Variants in RAD51B observed in about 807,000 individuals in gnomAD.
RAD51B encodes the protein DNA repair protein RAD51 homolog 2.
Under a neutral mutation model 42.2 loss-of-function variants are expected in RAD51B, and 38 were observed. The ratio of observed to expected loss-of-function variants is 0.90; its 90% CI spans 0.70 to 1.18. RAD51B has a LOEUF of 1.18. RAD51B is among the 50% of genes most tolerant of loss of function. The pLI, the probability that RAD51B is intolerant of heterozygous loss-of-function variation, is 0.00. For missense variants in RAD51B, 373 were observed against 400.7 expected (o/e 0.93, Z 0.59); for synonymous variants, 154 against 145.2 (o/e 1.06, Z -0.43).
At chr14:68,205,901 A>G (rs1314296549) in intron 7 of RAD51B, among the ~76,000 whole-genome samples, 1 of 152,194 alleles carries the variant, frequency 6.6e-6, no homozygotes, top group Non-Finnish European at 1.5e-5. Flanking sequence ...CAACTTTGGT[A>G]AATTTGATTA....
At chr14:68,656,755 A>T (rs1414884240) in intron 11 of RAD51B, among the ~76,000 whole-genome samples, 1 of 152,008 alleles carries the variant, frequency 6.6e-6, no homozygotes, top group Non-Finnish European at 1.5e-5. Context: ...CCAATTTTTC[A>T]CAGACACAGC....
At chr14:67,844,624 A>ATT (rs556636252) in intron 4 of RAD51B, among the ~76,000 whole-genome samples, 5,090 of 147,758 alleles carry the variant, frequency 0.034, 264 homozygotes, top group African/African-American at 0.11. Context: ...ATATATATAT[A>ATT]TTTTTTTTAT....
At chr14:68,339,661 A>T (rs1413386704) in intron 8 of RAD51B, 1 of 201,596 alleles carries the variant, frequency 5.0e-6, no homozygotes, top group African/African-American at 2.4e-5. Flanking sequence ...AACAATTTTC[A>T]TATATCAGGG....
At chr14:67,853,529 A>T (rs866146609) in intron 4 of RAD51B, among the ~76,000 whole-genome samples, 1 of 152,196 alleles carries the variant, frequency 6.6e-6, no homozygotes, top group East Asian at 1.9e-4. Flanking sequence ...GTAATTTGTT[A>T]TGAAGCAGTA....
chr14:68,025,374 G>A (rs1488061322), intron 7 of RAD51B, among the ~76,000 whole-genome samples: 1 of 151,854 alleles, frequency 6.6e-6, no homozygotes, highest in African/African-American at 2.4e-5. Flanking sequence ...AGTTATGGAG[G>A]AGTCCCTCTT....
In RAD51B at chr14:68,334,954, GT is replaced by G. The variant is rs201096865; in HGVS notation, c.853+42978del. ...ACACACATATATAAGTATTATATATGTTTTATATATATATATATAAAAAAAC... is the reference window on the plus strand; with the variant it reads ...ACACACATATATAAGTATTATATATGTTTATATATATATATATAAAAAAAC... On this transcript the variant is annotated intron_variant, in intron 8 of 10. Transcript: ENST00000471583. Among the ~76,000 whole-genome samples the G allele has an allele frequency of 3.0e-3, 231 of 77,486 alleles. 1 individual carries two copies. The highest frequency in any genetic ancestry group is 8.1e-3 in the Admixed American group (58 of 7,192). 50.8% of individuals were successfully genotyped at this position (77,486 alleles called of 152,430 possible). A position where few individuals can be genotyped will look rare whatever the true frequency, so the allele number is the denominator to read the frequency against.
intron 10 of RAD51B, among the ~76,000 whole-genome samples, chr14:68,602,913 G>C (rs1220601606): frequency 6.6e-6 from 1 of 152,098 alleles, no homozygotes; most frequent in Non-Finnish European, 1.5e-5. Context: ...ATGCTTCCCT[G>C]CTCCAAAACC....
At chr14:67,921,654 A>C (rs904038741) in intron 7 of RAD51B, among the ~76,000 whole-genome samples, 11 of 151,574 alleles carry the variant, frequency 7.3e-5, no homozygotes, top group Non-Finnish European at 1.3e-4. Context: ...CTAGGCCAGG[A>C]TAAAATTTAG....
chr14:67,981,104 C>G (rs1396902472), intron 7 of RAD51B, among the ~76,000 whole-genome samples: 1 of 152,132 alleles, frequency 6.6e-6, no homozygotes, highest in Non-Finnish European at 1.5e-5. Context: ...AATCCCAGCA[C>G]TTTGGGAAGC....
chr14:68,161,598 A>G (rs2078640585), intron 7 of RAD51B, among the ~76,000 whole-genome samples: 2 of 152,204 alleles, frequency 1.3e-5, no homozygotes, highest in Admixed American at 1.3e-4. Flanking sequence ...TTTCCCCCCA[A>G]AAGGGATTCT....
At chr14:68,504,101 G>C (rs1305012941) in intron 10 of RAD51B, among the ~76,000 whole-genome samples, 1 of 152,092 alleles carries the variant, frequency 6.6e-6, no homozygotes, top group African/African-American at 2.4e-5. Flanking sequence ...TTTCGTTTTA[G>C]GCATGGACAC....
intron 7 of RAD51B, among the ~76,000 whole-genome samples, chr14:68,206,946 C>T (rs1346783580): frequency 1.3e-5 from 2 of 152,070 alleles, no homozygotes; most frequent in East Asian, 1.9e-4. Flanking sequence ...CCCGCCAACG[C>T]GCCCGGCTAA....
chr14:68,111,704 C>T (rs1399491330), intron 7 of RAD51B, among the ~76,000 whole-genome samples: 3 of 152,034 alleles, frequency 2.0e-5, no homozygotes, highest in Non-Finnish European at 4.4e-5. Flanking sequence ...TGCCAAAATA[C>T]AAAGGGAAAG....
chr14:68,063,004 C>A (rs2076593233), intron 7 of RAD51B, among the ~76,000 whole-genome samples: 1 of 151,980 alleles, frequency 6.6e-6, no homozygotes, highest in East Asian at 1.9e-4. Flanking sequence ...GATCCATTTC[C>A]TCTAGGTTTT....
chr14:67,906,289 G>T (rs2043779260), intron 7 of RAD51B, among the ~76,000 whole-genome samples: 2 of 152,056 alleles, frequency 1.3e-5, no homozygotes, highest in African/African-American at 4.8e-5. Context: ...GCTGGATTTG[G>T]TTTGCTTGTA....
chr14:68,269,474 C>T (rs2081060856), intron 7 of RAD51B, among the ~76,000 whole-genome samples: 1 of 152,218 alleles, frequency 6.6e-6, no homozygotes. Flanking sequence ...CTGCCTGGGA[C>T]CCTGCCCTGA....
intron 9 of RAD51B, among the ~76,000 whole-genome samples, chr14:68,462,198 C>A (rs942508145): frequency 6.6e-6 from 1 of 152,170 alleles, no homozygotes; most frequent in Non-Finnish European, 1.5e-5. Context: ...GAGTGTGGTA[C>A]TCAATAAATG....
At chr14:68,141,862 C>T (rs2078136238) in intron 7 of RAD51B, among the ~76,000 whole-genome samples, 1 of 152,174 alleles carries the variant, frequency 6.6e-6, no homozygotes, top group Non-Finnish European at 1.5e-5. Flanking sequence ...GTGTCATCTT[C>T]TTCATTTGGC....
At chr14:68,562,403 T>C (rs1486834405) in intron 10 of RAD51B, 7 of 984,460 alleles carry the variant, frequency 7.1e-6, no homozygotes, top group South Asian at 4.7e-5. Context: ...AATGGACTTA[T>C]GCAGAGGCCC....
Sources: gnomAD v4.1 joint callset for allele counts (sites outside exome capture counted in the v4.1 genomes callset) on GRCh38, gnomAD v4.1.1 for gene constraint, MANE v1.5 for transcripts, NCBI Gene and HGNC (gene_info 2026-07-23, HGNC 2026-07-21) for gene names.